The following TENM2 variants were observed in gnomAD, a reference collection of about 807,000 sequenced individuals.
TENM2 encodes teneurin transmembrane protein 2.
A neutral mutation model predicts 245.2 loss-of-function variants in TENM2; 52 were observed. That is an observed-to-expected ratio of 0.21 (90% CI 0.17 to 0.27). The LOEUF is 0.27. Ranked by LOEUF, TENM2 falls within the 10% of genes least tolerant of loss-of-function variation. TENM2 has a pLI of 1.00. For missense variants in TENM2, 3,046 were observed against 3,666.8 expected (o/e 0.83, Z 4.37); for synonymous variants, 1,363 against 1,438.9 (o/e 0.95, Z 1.19).
chr5:167,733,594 G>C (rs1358499404), intron 2 of TENM2, among the ~76,000 whole-genome samples: 1 of 152,202 alleles, frequency 6.6e-6, no homozygotes, highest in African/African-American at 2.4e-5. Context: ...ACTTGCGCCA[G>C]AGTACCTATC....
At chr5:167,792,807 G>A (rs895627199) in intron 2 of TENM2, among the ~76,000 whole-genome samples, 10 of 151,684 alleles carry the variant, frequency 6.6e-5, no homozygotes, top group African/African-American at 2.2e-4. Context: ...CATGATAATA[G>A]CGGTGTCAGC....
intron 2 of TENM2, among the ~76,000 whole-genome samples, chr5:167,499,222 A>G (rs1358163049): frequency 6.6e-6 from 1 of 152,092 alleles, no homozygotes; most frequent in Non-Finnish European, 1.5e-5. Context: ...TTGCCCCACC[A>G]TAAAGGACTT....
At chr5:167,934,737 G>A (rs1260076990) in intron 3 of TENM2, 6 of 359,572 alleles carry the variant, frequency 1.7e-5, no homozygotes, top group Admixed American at 6.4e-5. Flanking sequence ...AATATCGCTC[G>A]AACCTTCCCG....
the TENM2 span, among the ~76,000 whole-genome samples, chr5:167,070,284 A>ATT: frequency 1.4e-4 from 14 of 99,350 alleles, no homozygotes; most frequent in African/African-American, 3.3e-4. Flanking sequence ...CGCCCGGCTA[A>ATT]TTTTTTTTTT....
chr5:167,788,589 G>A (rs1764736324), intron 2 of TENM2, among the ~76,000 whole-genome samples: 2 of 152,108 alleles, frequency 1.3e-5, no homozygotes, highest in African/African-American at 4.8e-5. Flanking sequence ...GAGTCAAAGA[G>A]GTAAAACTCA....
chr5:167,623,554 C>T (rs2127775049), intron 2 of TENM2, among the ~76,000 whole-genome samples: 1 of 152,160 alleles, frequency 6.6e-6, no homozygotes, highest in African/African-American at 2.4e-5. Flanking sequence ...TTTTTTATTA[C>T]TGAATTTGAA....
chr5:168,033,513 C>CTG (rs1450542655), intron 5 of TENM2, among the ~76,000 whole-genome samples: 1 of 152,060 alleles, frequency 6.6e-6, no homozygotes, highest in African/African-American at 2.4e-5. Flanking sequence ...TCAGTAGACA[C>CTG]TGTTTATGAC....
At chr5:167,189,471 TTC>T in the TENM2 span, among the ~76,000 whole-genome samples, 1 of 151,846 alleles carries the variant, frequency 6.6e-6, no homozygotes, top group East Asian at 1.9e-4. Context: ...CTCTCTTCCT[TTC>T]TCTCTTTTCT....
the TENM2 span, among the ~76,000 whole-genome samples, chr5:167,222,063 C>T: frequency 6.6e-6 from 1 of 152,128 alleles, no homozygotes; most frequent in Admixed American, 6.5e-5. Context: ...AGTGTTAAAG[C>T]TGACTAAGAA....
chr5:167,527,243 A>AT (rs1211348738), intron 2 of TENM2, among the ~76,000 whole-genome samples: 1 of 152,164 alleles, frequency 6.6e-6, no homozygotes, highest in African/African-American at 2.4e-5. Flanking sequence ...GTAGGCCCTC[A>AT]TGCACAGGCA....
At chr5:167,755,132 G>A (rs1241632599) in intron 2 of TENM2, 4 of 1,598,938 alleles carry the variant, frequency 2.5e-6, no homozygotes, top group Admixed American at 1.7e-5. Flanking sequence ...ATGGAGACCC[G>A]GCAGTACCTC....
intron 2 of TENM2, among the ~76,000 whole-genome samples, chr5:167,742,693 A>G (rs1456472529): frequency 1.3e-5 from 2 of 152,002 alleles, no homozygotes; most frequent in African/African-American, 4.8e-5. Flanking sequence ...ATTAGAATAT[A>G]AGATGCCTAA....
chr5:167,270,108 A>G, the TENM2 span, among the ~76,000 whole-genome samples: 1 of 152,190 alleles, frequency 6.6e-6, no homozygotes, highest in Non-Finnish European at 1.5e-5. Context: ...CCTCAGTTTC[A>G]GATTTTCAGT....
At chr5:167,043,102 T>G in the TENM2 span, among the ~76,000 whole-genome samples, 1 of 152,232 alleles carries the variant, frequency 6.6e-6, no homozygotes, top group African/African-American at 2.4e-5. Context: ...CTGATTATTA[T>G]TTTTTAGATA....
chr5:167,989,888 C>T (rs188409492), intron 4 of TENM2, among the ~76,000 whole-genome samples: 17 of 152,224 alleles, frequency 1.1e-4, no homozygotes, highest in African/African-American at 3.9e-4. Flanking sequence ...ATGTAGAAGA[C>T]AAGCTGCCCA....
At chr5:167,266,179 T>C in the TENM2 span, among the ~76,000 whole-genome samples, 1 of 152,152 alleles carries the variant, frequency 6.6e-6, no homozygotes, top group Non-Finnish European at 1.5e-5. Flanking sequence ...AGATTGCGAA[T>C]TGTCACTAAT....
intron 2 of TENM2, among the ~76,000 whole-genome samples, chr5:167,770,227 C>T (rs1298488051): frequency 2.6e-5 from 4 of 152,022 alleles, no homozygotes; most frequent in Non-Finnish European, 5.9e-5. Context: ...GTGATGTAGT[C>T]GTGGGAATCA....
chr5:167,151,809 G>A, the TENM2 span, among the ~76,000 whole-genome samples: 24 of 152,244 alleles, frequency 1.6e-4, no homozygotes, highest in African/African-American at 3.6e-4. Context: ...GAGCCACCGC[G>A]CCTGGCCTGC....
At position 168,122,754 on chromosome 5, in the gene TENM2, G is replaced by C. The variant is rs373169300; in HGVS notation, c.2009-2096G>C. Among the ~76,000 whole-genome samples, 154 of 152,096 alleles carry C rather than the reference G, an allele frequency of 1.0e-3. 1 individual carries two copies. Among genetic ancestry groups the C allele is most frequent in the African/African-American group, 3.5e-3 (146 of 41,466 alleles). On this transcript the variant is annotated intron_variant, in intron 10 of 28. Transcript: ENST00000518659. Reference sequence around the variant, plus strand: ...ACTGTTTTTTCCCCATGCCTGAAACGGTTTTGAAATGACTTCCATATATAA... The same window carrying C: ...ACTGTTTTTTCCCCATGCCTGAAACCGTTTTGAAATGACTTCCATATATAA...
Sources: allele counts gnomAD v4.1 joint callset (sites outside exome capture counted in the v4.1 genomes callset), GRCh38; gene constraint gnomAD v4.1.1; transcripts MANE v1.5; gene names NCBI Gene and HGNC (gene_info 2026-07-23, HGNC 2026-07-21).